RAB17: variants seen among roughly 807,000 people sequenced by gnomAD.
RAB17 encodes ras-related protein Rab-17.
In RAB17, 15 loss-of-function variants were observed where a neutral mutation model predicts 19.3. The ratio of observed to expected loss-of-function variants is 0.78; its 90% CI spans 0.52 to 1.20. The LOEUF (loss-of-function observed/expected upper bound fraction) is 1.20, where lower values mean the gene tolerates loss of function less well. RAB17 is among the 50% of genes most tolerant of loss of function. The pLI is 0.00. For synonymous variants in RAB17, 110 were observed against 112.8 expected, an observed-to-expected ratio of 0.97 and a Z score of 0.16; for missense variants, 262 against 269.3, an observed-to-expected ratio of 0.97 and a Z score of 0.19.
Position 237,575,082 on chromosome 2 carries a change from C to G in RAB17, c.576G>C (p.Arg192=). The part of the protein sequence containing the change: ...QRSDEEGQAL[R]GDAAVALNKG... ...TGTTCAGAGCCACAGCTGCATCCCCCCGTAGAGCCTGGCCCTCCTCGTCGC... is the reference window on the plus strand; with the variant it reads ...TGTTCAGAGCCACAGCTGCATCCCCGCGTAGAGCCTGGCCCTCCTCGTCGC... The change falls in exon 6 of 6, where the codon CGG becomes CGC. Residue 192 remains arginine, a synonymous_variant. Transcript: ENST00000264601. 6.2e-7 allele frequency: 1 copy of G among 1,613,860 alleles called. No individual in the cohort carries two copies. Among genetic ancestry groups the G allele is most frequent in the Non-Finnish European group, 8.5e-7 (1 of 1,179,936 alleles).
chr2:237,576,875 C>T (rs1429139779), intron 4 of RAB17, among the ~76,000 whole-genome samples: 9 of 152,196 alleles, frequency 5.9e-5, no homozygotes, highest in African/African-American at 7.2e-5. Context: ...TCACTTTTCT[C>T]GTTCAAGCCG....
At chr2:237,587,072 G>A (rs912835878) in intron 1 of RAB17, among the ~76,000 whole-genome samples, 6 of 152,232 alleles carry the variant, frequency 3.9e-5, no homozygotes, top group Non-Finnish European at 7.4e-5. Flanking sequence ...TTTTGATACC[G>A]CGGTGGTTCA....
chr2:237,589,852 C>G (rs955372083), intron 1 of RAB17, among the ~76,000 whole-genome samples: 3 of 152,166 alleles, frequency 2.0e-5, no homozygotes, highest in African/African-American at 7.2e-5. Context: ...GAGAGCAAAT[C>G]CCACATTAGT....
rs1416646174 is a variant in RAB17 at position 237,574,504 on chromosome 2, G to T, written c.*515C>A. The stretch of plus-strand genomic sequence containing the variant: ...CTGCCCCCAGCTGCCCTTCCCAGGG[G>T]CAACTTCACCAAGATGTGGAAATCC... On this transcript the variant is annotated 3_prime_UTR_variant, in exon 6 of 6. Transcript: ENST00000264601. 1.9e-6 allele frequency: 3 copies of T among 1,550,564 alleles called. 1 individual carries two copies. Among genetic ancestry groups the T allele is most frequent in the South Asian group, 2.4e-5 (2 of 84,038 alleles).
chr2:237,577,542 G>A, intron 3 of RAB17, 160 bp from the exon 4 acceptor site: 1 of 789,172 alleles, frequency 1.3e-6, no homozygotes, highest in Non-Finnish European at 1.9e-6. Flanking sequence ...CCTCTGAGGA[G>A]GGCACGTTCC....
chr2:237,576,454 A>T, intron 4 of RAB17: 1 of 394,898 alleles, frequency 2.5e-6, no homozygotes. Flanking sequence ...ACTTGCAACG[A>T]GGGCTCAGAC....
chr2:237,585,062 G>T (rs73999146), intron 2 of RAB17, among the ~76,000 whole-genome samples: 4,413 of 152,326 alleles, frequency 0.029, 222 homozygotes, highest in African/African-American at 0.099. Context: ...AAATGGAAGG[G>T]CTCCCTAAAT....
At chr2:237,577,863 A>T in intron 3 of RAB17, 141 bp downstream of exon 3, 1 of 948,412 alleles carries the variant, frequency 1.1e-6, no homozygotes, top group Non-Finnish European at 1.6e-6. Context: ...GGTTGTCAGG[A>T]GGCCATCCTG....
chr2:237,577,125 G>A (rs1386830582), intron 4 of RAB17, 132 bp downstream of exon 4: 20 of 1,077,444 alleles, frequency 1.9e-5, no homozygotes, highest in African/African-American at 1.1e-4. Flanking sequence ...GTGTAGAGGT[G>A]TGTGTGCACA....
chr2:237,586,297 C>T, intron 1 of RAB17, 140 bp from the exon 2 acceptor site: 2 of 768,408 alleles, frequency 2.6e-6, no homozygotes, highest in South Asian at 2.2e-5. Flanking sequence ...CCTAGGTCCA[C>T]ACTCCTGCTT....
At chr2:237,585,332 C>T (rs1193478349) in intron 2 of RAB17, 3 of 168,592 alleles carry the variant, frequency 1.8e-5, no homozygotes, top group African/African-American at 7.2e-5. Context: ...TGGCTTTCCC[C>T]ATTTCAGGTG....
At chr2:237,578,328 A>T (rs1402507065) in intron 2 of RAB17, 173 bp from the exon 3 acceptor site, 2 of 608,054 alleles carry the variant, frequency 3.3e-6, no homozygotes, top group Non-Finnish European at 5.7e-6. Flanking sequence ...TGGGAGATGG[A>T]GCCTTCCACA....
At chr2:237,577,505 T>G in intron 3 of RAB17, 123 bp from the exon 4 acceptor site, 1 of 1,133,382 alleles carries the variant, frequency 8.8e-7, no homozygotes, top group Non-Finnish European at 1.2e-6. Flanking sequence ...CAACTGGCCA[T>G]GGGCGCACCT....
intron 3 of RAB17, 147 bp downstream of exon 3, chr2:237,577,857 G>T: frequency 1.1e-6 from 1 of 895,902 alleles, no homozygotes; most frequent in Non-Finnish European, 1.7e-6. Context: ...ATGGGGGGTT[G>T]TCAGGAGGCC....
Position 237,574,801 on chromosome 2 carries a change from GA to G in RAB17, c.*217del, listed in dbSNP as rs773350961. The G allele has an allele frequency of 8.4e-6, 8 of 954,922 alleles. No homozygotes were observed. The highest frequency in any genetic ancestry group is 1.2e-5 in the Non-Finnish European group (8 of 672,416). The allele number at this position is 954,922 out of a possible 1,614,324, so 59.2% of individuals were successfully genotyped here. On this transcript the variant is annotated 3_prime_UTR_variant, in exon 6 of 6. Transcript: ENST00000264601. ...CGGGGAATCAGATGGTATCAGTGGG[GA>G]TAGGGCACAGCACTTTCCTGGGAGC...
Position 237,574,329 on chromosome 2 carries a change from T to C in RAB17, c.*690A>G. On this transcript the variant is annotated 3_prime_UTR_variant, in exon 6 of 6. Transcript: ENST00000264601. ...TCAAAAACTTCTAAAAGCCAGATTG[T>C]CAAAAGCAATTTAATTTTTGGAGGA... 6 of 1,435,890 alleles carry C rather than the reference T, an allele frequency of 4.2e-6. No individual in the cohort carries two copies. In the South Asian group the frequency reaches 9.3e-5, roughly 22 times the overall value. 88.9% of individuals were successfully genotyped at this position (1,435,890 alleles called of 1,614,324 possible).
chr2:237,585,550 G>A (rs2081342977), intron 2 of RAB17: 1 of 158,360 alleles, frequency 6.3e-6, no homozygotes, highest in South Asian at 2.3e-4. Flanking sequence ...CCAAGTCCAG[G>A]CAGGAAGGAA....
chr2:237,577,614 C>G (rs1179521117), intron 3 of RAB17: 2 of 524,604 alleles, frequency 3.8e-6, no homozygotes, highest in Admixed American at 6.9e-5. Context: ...GATCCTTCAC[C>G]CTGACCAGGC....
At chr2:237,581,967 A>G (rs1037176430) in intron 2 of RAB17, among the ~76,000 whole-genome samples, 15 of 152,380 alleles carry the variant, frequency 9.8e-5, no homozygotes, top group African/African-American at 3.4e-4. Flanking sequence ...CTGTTAGGAC[A>G]GTGGGGGCAG....
Sources: gnomAD v4.1 joint callset for allele counts (sites outside exome capture counted in the v4.1 genomes callset) on GRCh38, gnomAD v4.1.1 for gene constraint, MANE v1.5 for transcripts, NCBI Gene and HGNC (gene_info 2026-07-23, HGNC 2026-07-21) for gene names.